C12orf42: variants seen among roughly 807,000 people sequenced by gnomAD.
The protein encoded by C12orf42 is uncharacterized protein C12orf42.
A neutral mutation model predicts 21.6 loss-of-function variants in C12orf42; 25 were observed. The observed-to-expected ratio is 1.16, with a 90% CI of 0.84 to 1.62. The LOEUF (loss-of-function observed/expected upper bound fraction) is 1.62, where lower values mean the gene tolerates loss of function less well. C12orf42 is among the 40% of genes most tolerant of loss of function. The pLI, the probability that C12orf42 is intolerant of heterozygous loss-of-function variation, is 0.00. For missense variants in C12orf42, 483 were observed against 459.3 expected (o/e 1.05, Z -0.47); for synonymous variants, 174 against 175.0 (o/e 0.99, Z 0.05).
chr12:103,451,059 T>C (rs1565850058), intron 2 of C12orf42, among the ~76,000 whole-genome samples: 2 of 152,116 alleles, frequency 1.3e-5, no homozygotes, highest in Admixed American at 6.6e-5. Context: ...ATTGTCACTT[T>C]GGGTGTGTCA....
intron 10 of C12orf42, among the ~76,000 whole-genome samples, chr12:103,257,263 C>T (rs1453865151): frequency 2.0e-5 from 3 of 152,024 alleles, no homozygotes; most frequent in Non-Finnish European, 4.4e-5. Flanking sequence ...CAACTTAATA[C>T]CTGGGTAATG....
At chr12:103,538,686 C>T in the C12orf42 span, among the ~76,000 whole-genome samples, 995 of 152,342 alleles carry the variant, frequency 6.5e-3, 9 homozygotes, top group African/African-American at 0.022. Flanking sequence ...TCTGGATAAA[C>T]TGTTTTTCTG....
chr12:103,234,983 AT>A (rs2033425623), downstream of C12orf42, among the ~76,000 whole-genome samples: 1 of 152,220 alleles, frequency 6.6e-6, no homozygotes, highest in South Asian at 2.1e-4. Context: ...TGTTAAAAAA[AT>A]ATGCAAATTT....
intron 10 of C12orf42, among the ~76,000 whole-genome samples, chr12:103,247,769 G>A (rs1379351997): frequency 6.6e-6 from 1 of 151,982 alleles, no homozygotes; most frequent in Non-Finnish European, 1.5e-5. Context: ...TGTCCATACT[G>A]GTTGGGAATT....
At chr12:103,458,409 A>G (rs1952457824) in intron 2 of C12orf42, among the ~76,000 whole-genome samples, 3 of 152,170 alleles carry the variant, frequency 2.0e-5, no homozygotes, top group African/African-American at 4.8e-5. Flanking sequence ...AACAAGTATG[A>G]TGAGTTATAG....
At chr12:103,543,852 TTTG>T in the C12orf42 span, among the ~76,000 whole-genome samples, 8 of 151,894 alleles carry the variant, frequency 5.3e-5, no homozygotes, top group Admixed American at 2.0e-4. Flanking sequence ...TTTAGAATTT[TTTG>T]TTGTTGTTGT....
the C12orf42 span, among the ~76,000 whole-genome samples, chr12:103,503,021 C>A: frequency 6.6e-6 from 1 of 152,164 alleles, no homozygotes. Context: ...CCTCAATCAA[C>A]AAAATTGTGG....
At chr12:103,305,248 C>CT (rs2038157999) in intron 5 of C12orf42, among the ~76,000 whole-genome samples, 1 of 152,114 alleles carries the variant, frequency 6.6e-6, no homozygotes, top group South Asian at 2.1e-4. Context: ...CATGACAGCT[C>CT]TTGGAATATT....
intron 3 of C12orf42, among the ~76,000 whole-genome samples, chr12:103,394,729 T>C (rs1186599828): frequency 6.6e-6 from 1 of 152,186 alleles, no homozygotes; most frequent in Non-Finnish European, 1.5e-5. Flanking sequence ...GGGCAGCTTA[T>C]TGGGAAGTAC....
chr12:103,237,245 G>A (rs146132387), downstream of C12orf42, among the ~76,000 whole-genome samples: 75 of 152,288 alleles, frequency 4.9e-4, no homozygotes, highest in Admixed American at 4.3e-3. Context: ...GGGCTTGAAT[G>A]TCTAGTCTTC....
intron 5 of C12orf42, among the ~76,000 whole-genome samples, chr12:103,304,689 A>C (rs1347221031): frequency 6.6e-6 from 1 of 152,208 alleles, no homozygotes; most frequent in African/African-American, 2.4e-5. Context: ...GAAGATGTAC[A>C]TTCCAATTTC....
intron 4 of C12orf42, among the ~76,000 whole-genome samples, chr12:103,278,667 A>G (rs2035922008): frequency 1.3e-5 from 2 of 152,234 alleles, no homozygotes; most frequent in African/African-American, 4.8e-5. Context: ...GATGAACAAG[A>G]CAGGCTCTTC....
the C12orf42 span, among the ~76,000 whole-genome samples, chr12:103,096,273 G>A: frequency 6.6e-6 from 1 of 152,140 alleles, no homozygotes; most frequent in African/African-American, 2.4e-5. Context: ...TTTTTTGTTA[G>A]TAAATAATCA....
the C12orf42 span, among the ~76,000 whole-genome samples, chr12:103,159,773 T>C: frequency 0.3 from 46,044 of 152,160 alleles, 7,435 homozygotes; most frequent in East Asian, 0.4. Context: ...CCTAGGAACA[T>C]GTGTGTGCAC....
At chr12:103,206,148 A>G in the C12orf42 span, among the ~76,000 whole-genome samples, 1 of 152,232 alleles carries the variant, frequency 6.6e-6, no homozygotes, top group Non-Finnish European at 1.5e-5. Context: ...ATGTGGGAAT[A>G]TAAAGATCCA....
chr12:103,102,122 G>A, the C12orf42 span, among the ~76,000 whole-genome samples: 1 of 152,176 alleles, frequency 6.6e-6, no homozygotes, highest in Non-Finnish European at 1.5e-5. Flanking sequence ...CTTCTTGGTG[G>A]TAAGAACTGC....
chr12:103,220,406 T>C, the C12orf42 span, among the ~76,000 whole-genome samples: 8 of 151,970 alleles, frequency 5.3e-5, no homozygotes, highest in Admixed American at 1.3e-4. Context: ...AAAAAAATAA[T>C]AGATAGAAAA....
chr12:103,322,115 GCGCGCGCGCGCACA>G (rs2040215891), intron 4 of C12orf42, among the ~76,000 whole-genome samples: 1 of 95,728 alleles, frequency 1.0e-5, no homozygotes, highest in Non-Finnish European at 2.0e-5. Context: ...GCGTGCGTGC[GCGCGCGCGCGCACA>G]CACACACACA....
intron 2 of C12orf42, among the ~76,000 whole-genome samples, chr12:103,423,601 C>T (rs1949551221): frequency 6.6e-6 from 1 of 152,202 alleles, no homozygotes; most frequent in Admixed American, 6.5e-5. Flanking sequence ...ACTGTTTGTA[C>T]ATGTGCTTCC....
Sources: allele counts gnomAD v4.1 joint callset (sites outside exome capture counted in the v4.1 genomes callset), GRCh38; gene constraint gnomAD v4.1.1; transcripts MANE v1.5; gene names NCBI Gene and HGNC (gene_info 2026-07-23, HGNC 2026-07-21).